The following KHDRBS2 variants were observed in gnomAD, a reference collection of about 807,000 sequenced individuals.
KHDRBS2 encodes the protein KH domain-containing, RNA-binding, signal transduction-associated protein 2.
Under a neutral mutation model 44.3 loss-of-function variants are expected in KHDRBS2, and 26 were observed. That is an observed-to-expected ratio of 0.59 (90% confidence interval 0.43 to 0.81). KHDRBS2 has a LOEUF of 0.81. Ranked by LOEUF, KHDRBS2 falls within the 40% of genes least tolerant of loss-of-function variation. The probability of loss-of-function intolerance (pLI) is 0.00; values close to 1 mark genes in which losing one functional copy is unlikely to be tolerated. For missense variants in KHDRBS2, 476 were observed against 433.1 expected (o/e 1.10, Z -0.88); for synonymous variants, 194 against 151.1 (o/e 1.28, Z -2.08).
At chr6:62,071,187 G>C (rs1404201621) in intron 2 of KHDRBS2, among the ~76,000 whole-genome samples, 2 of 152,022 alleles carry the variant, frequency 1.3e-5, no homozygotes, top group Admixed American at 6.6e-5. Context: ...TGATGGGGTT[G>C]TTTGTTTTTT....
rs1818737378 is a variant in KHDRBS2, at chr6:62,166,585, C to T, written c.219+10600G>A. 4.6e-5 allele frequency among the ~76,000 whole-genome samples: 7 copies of T among 152,174 alleles called. No individual in the cohort carries two copies. The South Asian group carries it at 1.4e-3, about 32-fold the overall frequency. ...AAAAGTATTAATAATCCCTTATCTA[C>T]ATGTTTCTGGGTAAAAAGCATTAAT... On this transcript the variant is annotated intron_variant, in intron 2 of 8. Transcript: ENST00000281156.
chr6:61,569,464 G>A, the KHDRBS2 span, among the ~76,000 whole-genome samples: 1 of 152,224 alleles, frequency 6.6e-6, no homozygotes, highest in East Asian at 1.9e-4. Flanking sequence ...CCACCTCCTG[G>A]CTGGAGGCCA....
intron 1 of KHDRBS2, among the ~76,000 whole-genome samples, chr6:62,191,726 G>T (rs1434556948): frequency 1.3e-5 from 2 of 151,976 alleles, no homozygotes; most frequent in African/African-American, 4.8e-5. Flanking sequence ...TCAACACAAT[G>T]ATTTTTACAC....
chr6:62,082,713 C>CTG (rs1273736229), intron 2 of KHDRBS2, among the ~76,000 whole-genome samples: 1 of 152,024 alleles, frequency 6.6e-6, no homozygotes. Flanking sequence ...GTTTCCTGTC[C>CTG]TGTGTAGGAA....
intron 3 of KHDRBS2, among the ~76,000 whole-genome samples, chr6:62,043,941 T>C (rs2127301720): frequency 6.6e-6 from 1 of 152,212 alleles, no homozygotes; most frequent in East Asian, 1.9e-4. Context: ...TCTTAATTTT[T>C]TTTAAAAAAA....
chr6:62,133,969 A>G (rs1009427271), intron 2 of KHDRBS2, among the ~76,000 whole-genome samples: 4 of 152,188 alleles, frequency 2.6e-5, no homozygotes, highest in African/African-American at 9.6e-5. Context: ...AGGGAAACAG[A>G]ACATAAAAGT....
intron 1 of KHDRBS2, among the ~76,000 whole-genome samples, chr6:62,200,840 G>A (rs1204308364): frequency 1.3e-5 from 2 of 152,250 alleles, no homozygotes; most frequent in East Asian, 1.9e-4. Flanking sequence ...CAACCCAAAT[G>A]TCCAACAATG....
the KHDRBS2 span, among the ~76,000 whole-genome samples, chr6:61,647,666 A>G: frequency 6.6e-6 from 1 of 152,168 alleles, no homozygotes; most frequent in Non-Finnish European, 1.5e-5. Context: ...AATGTATGAC[A>G]TGTATTGCAA....
At chr6:61,719,321 T>C (rs1429493041) in intron 7 of KHDRBS2, among the ~76,000 whole-genome samples, 2 of 152,172 alleles carry the variant, frequency 1.3e-5, no homozygotes, top group African/African-American at 2.4e-5. Flanking sequence ...AACCACTTTT[T>C]TTCTACTTGT....
At chr6:61,736,149 C>T (rs1269210674) in intron 6 of KHDRBS2, among the ~76,000 whole-genome samples, 4 of 146,364 alleles carry the variant, frequency 2.7e-5, no homozygotes, top group South Asian at 2.2e-4. Context: ...TGAGTCTTCT[C>T]GGTTGGCACA....
intron 6 of KHDRBS2, among the ~76,000 whole-genome samples, chr6:61,830,899 T>C (rs1192998044): frequency 6.6e-6 from 1 of 152,142 alleles, no homozygotes; most frequent in Non-Finnish European, 1.5e-5. Context: ...AAATGTAAAA[T>C]GATGATGATA....
intron 2 of KHDRBS2, among the ~76,000 whole-genome samples, chr6:62,138,706 G>C (rs1364047463): frequency 1.3e-5 from 2 of 152,114 alleles, no homozygotes; most frequent in Non-Finnish European, 2.9e-5. Context: ...CTATGAACTA[G>C]AATTTATGAA....
chr6:61,961,687 T>G (rs538026033), intron 4 of KHDRBS2, among the ~76,000 whole-genome samples: 123 of 152,224 alleles, frequency 8.1e-4, no homozygotes, highest in African/African-American at 2.8e-3. Context: ...CAAGCCTGAC[T>G]TGCGCATGGG....
intron 6 of KHDRBS2, among the ~76,000 whole-genome samples, chr6:61,769,270 T>C (rs1345211818): frequency 6.6e-6 from 1 of 152,022 alleles, no homozygotes; most frequent in African/African-American, 2.4e-5. Flanking sequence ...CATTTCCAAC[T>C]GAGGTACCGG....
chr6:62,072,710 A>G (rs1280899651), intron 2 of KHDRBS2, among the ~76,000 whole-genome samples: 1 of 152,112 alleles, frequency 6.6e-6, no homozygotes. Flanking sequence ...CATGGTGGAT[A>G]AGCTTTTTGA....
At chr6:62,063,581 C>T (rs1054875233) in intron 2 of KHDRBS2, among the ~76,000 whole-genome samples, 2 of 151,646 alleles carry the variant, frequency 1.3e-5, no homozygotes, top group Non-Finnish European at 2.9e-5. Context: ...ATTCAACAAC[C>T]CTTCATGATA....
At chr6:62,221,645 A>T (rs543229433) in intron 1 of KHDRBS2, among the ~76,000 whole-genome samples, 1 of 152,300 alleles carries the variant, frequency 6.6e-6, no homozygotes, top group South Asian at 2.1e-4. Context: ...CCATACAAGA[A>T]GTGAAAACTG....
the KHDRBS2 span, among the ~76,000 whole-genome samples, chr6:61,662,428 C>T: frequency 2.0e-5 from 3 of 151,582 alleles, no homozygotes; most frequent in Non-Finnish European, 2.9e-5. Context: ...AGCTTCTGCA[C>T]AGCAAAAGAA....
downstream of KHDRBS2, among the ~76,000 whole-genome samples, chr6:61,677,705 G>A (rs1421687950): frequency 6.6e-6 from 1 of 151,846 alleles, no homozygotes; most frequent in East Asian, 2.0e-4. Flanking sequence ...GAACTGACTT[G>A]AACCCATAGT....
Sources: allele counts gnomAD v4.1 joint callset (sites outside exome capture counted in the v4.1 genomes callset), GRCh38; gene constraint gnomAD v4.1.1; transcripts MANE v1.5; gene names NCBI Gene and HGNC (gene_info 2026-07-23, HGNC 2026-07-21).